Variants in CAMK2A observed in about 807,000 individuals in gnomAD.
CAMK2A encodes the protein calcium/calmodulin dependent protein kinase II alpha.
CAMK2A carries 7 observed loss-of-function variants against 79.2 expected under a neutral mutation model. The observed-to-expected ratio is 0.09, with a 90% CI of 0.05 to 0.17. The LOEUF (loss-of-function observed/expected upper bound fraction) is 0.17, where lower values mean the gene tolerates loss of function less well. Among genes scored for constraint, CAMK2A ranks in the 10% least tolerant of loss-of-function variants. The pLI, the probability that CAMK2A is intolerant of heterozygous loss-of-function variation, is 1.00. For missense variants in CAMK2A, 214 were observed against 646.4 expected, an observed-to-expected ratio of 0.33 and a Z score of 7.25; for synonymous variants, 242 against 251.7, an observed-to-expected ratio of 0.96 and a Z score of 0.36.
intron 2 of CAMK2A, among the ~76,000 whole-genome samples, chr5:150,271,162 A>T (rs1756731352): frequency 6.6e-6 from 1 of 152,374 alleles, no homozygotes; most frequent in African/African-American, 2.4e-5. Flanking sequence ...GGCAAGGCCA[A>T]TCCAGGCATC....
chr5:150,253,640 A>G, intron 6 of CAMK2A, 94 bp from the exon 7 acceptor site: 1 of 1,085,790 alleles, frequency 9.2e-7, no homozygotes, highest in Non-Finnish European at 1.4e-6. Flanking sequence ...CTGGGCTCAC[A>G]GGAAGAACAG....
At chr5:150,240,572 A>T (rs1002485827) in intron 13 of CAMK2A, among the ~76,000 whole-genome samples, 6 of 152,146 alleles carry the variant, frequency 3.9e-5, no homozygotes, top group African/African-American at 4.8e-5. Context: ...GGAGAGGGGG[A>T]CAAATGTAAA....
intron 2 of CAMK2A, among the ~76,000 whole-genome samples, chr5:150,267,902 C>G (rs1194785137): frequency 1.4e-5 from 2 of 146,550 alleles, no homozygotes; most frequent in Non-Finnish European, 3.0e-5. Context: ...GAGACAGAGT[C>G]TCGCTGTGTC....
At chr5:150,225,684 G>A (rs1053897510) in intron 17 of CAMK2A, among the ~76,000 whole-genome samples, 1 of 152,102 alleles carries the variant, frequency 6.6e-6, no homozygotes, top group African/African-American at 2.4e-5. Context: ...GGAGCTCCAG[G>A]GTGATAGGGA....
chr5:150,273,506 AC>A (rs1756834539), intron 1 of CAMK2A, among the ~76,000 whole-genome samples: 1 of 152,172 alleles, frequency 6.6e-6, no homozygotes. Context: ...GAGTAGGTAA[AC>A]GTGGATATGG....
intron 16 of CAMK2A, 90 bp from the exon 17 acceptor site, chr5:150,228,376 C>T: frequency 1.2e-6 from 1 of 846,936 alleles, no homozygotes; most frequent in Non-Finnish European, 1.9e-6. Flanking sequence ...AATGATTGCA[C>T]CTACCTCACA....
intron 16 of CAMK2A, among the ~76,000 whole-genome samples, chr5:150,229,164 C>T (rs2114022988): frequency 6.6e-6 from 1 of 152,352 alleles, no homozygotes; most frequent in Admixed American, 6.5e-5. Flanking sequence ...AGGCCCAGCA[C>T]CGTCTGAGCT....
At chr5:150,228,419 A>G (rs1013571163) in intron 16 of CAMK2A, 133 bp from the exon 17 acceptor site, 2 of 640,868 alleles carry the variant, frequency 3.1e-6, no homozygotes, top group Non-Finnish European at 2.7e-6. Context: ...GGAAGGGGCC[A>G]GGGGCTTGCA....
At chr5:150,241,886 C>T (rs1434913720) in intron 13 of CAMK2A, among the ~76,000 whole-genome samples, 1 of 152,154 alleles carries the variant, frequency 6.6e-6, no homozygotes, top group African/African-American at 2.4e-5. Context: ...CCAGGCCAGG[C>T]ACAGAATGGG....
chr5:150,243,919 A>G lies in CAMK2A; in HGVS notation c.984+1242T>C, dbSNP rs542438566. Among the ~76,000 whole-genome samples the G allele has an allele frequency of 6.7e-4, 102 of 152,184 alleles. 1 individual carries two copies. Among genetic ancestry groups the G allele is most frequent in the Non-Finnish European group, 1.4e-3 (92 of 67,998 alleles). On this transcript the variant is annotated intron_variant, in intron 13 of 18. Transcript: ENST00000671881. ...GGTATGAGAAGCCCAGAACCATTTA[A>G]CCTGGCATCCCCCTTCCACATCCCA...
intron 2 of CAMK2A, among the ~76,000 whole-genome samples, chr5:150,270,171 G>T (rs1756686646): frequency 6.6e-6 from 1 of 152,214 alleles, no homozygotes; most frequent in African/African-American, 2.4e-5. Flanking sequence ...ATTGTATTAG[G>T]TTGGTGTTAA....
chr5:150,221,949 C>T lies in CAMK2A; in HGVS notation c.*761G>A, dbSNP rs570050508. ...GGTCCAAGTAGAAGTGATACCTAAA[C>T]GTTGCTTTCTTTTGCCCCCCAAAAA... On this transcript the variant is annotated 3_prime_UTR_variant, in exon 19 of 19. Coordinates refer to ENST00000671881, the MANE Select transcript of CAMK2A (RefSeq NM_015981.4). 1.4e-5 allele frequency: 3 copies of T among 221,736 alleles called. No individual in the cohort carries two copies. The highest frequency in any genetic ancestry group is 2.7e-5 in the Non-Finnish European group (3 of 112,942). The allele number at this position is 221,736 out of a possible 1,614,324, so 13.7% of individuals were successfully genotyped here.
chr5:150,248,315 C>T (rs2150276916), intron 11 of CAMK2A, among the ~76,000 whole-genome samples: 1 of 129,182 alleles, frequency 7.7e-6, no homozygotes, highest in East Asian at 2.2e-4. Flanking sequence ...TTTTTATTTC[C>T]AAGTTTTTTA....
chr5:150,222,608 G>A lies in CAMK2A; in HGVS notation c.*102C>T. The A allele has an allele frequency of 3.9e-6, 5 of 1,294,880 alleles. No homozygotes were observed. The highest frequency in any genetic ancestry group is 4.5e-6 in the Non-Finnish European group (4 of 893,318). The allele number at this position is 1,294,880 out of a possible 1,614,324, so 80.2% of individuals were successfully genotyped here. ...AGTGACGGTGGTGGGGTGATGACATGGGAGAATTCCAGCAAAATCCACCTG... is the reference window on the plus strand; with the variant it reads ...AGTGACGGTGGTGGGGTGATGACATAGGAGAATTCCAGCAAAATCCACCTG... On this transcript the variant is annotated 3_prime_UTR_variant, in exon 19 of 19. Coordinates refer to ENST00000671881, the MANE Select transcript of CAMK2A (RefSeq NM_015981.4).
At chr5:150,275,945 G>A (rs537876917) in intron 1 of CAMK2A, among the ~76,000 whole-genome samples, 2 of 152,170 alleles carry the variant, frequency 1.3e-5, no homozygotes, top group East Asian at 3.9e-4. Flanking sequence ...GGGGAGAGGG[G>A]CTGAAAGTTC....
rs768232346 is a variant in CAMK2A, at chr5:150,222,699, A to G, written c.*11T>C. On this transcript the variant is annotated 3_prime_UTR_variant, in exon 19 of 19. Coordinates refer to ENST00000671881, the MANE Select transcript of CAMK2A (RefSeq NM_015981.4). ...TGCGGCACAGCAACGCAGCGACCCC[A>G]GCCTGGTCCCTCAGCTGTAAGACAC... 2.5e-5 allele frequency: 40 copies of G among 1,613,912 alleles called. No individual in the cohort carries two copies. The highest frequency in any genetic ancestry group is 3.2e-5 in the Non-Finnish European group (38 of 1,179,938).
rs1049806864 is a variant in CAMK2A, at chr5:150,235,653, C to T, written c.1066+3047G>A. ...GAAGGAAGCAGAGCCCCAGGCAGCT[C>T]GGAGGGCAAGAGGCCTGTGCAGTGA... On this transcript the variant is annotated intron_variant, in intron 15 of 18. Transcript: ENST00000671881. Among the ~76,000 whole-genome samples, 11 of 152,096 alleles carry T rather than the reference C, an allele frequency of 7.2e-5. 3 individuals carry two copies. The highest frequency in any genetic ancestry group is 7.2e-4 in the Admixed American group (11 of 15,278).
chr5:150,252,137 T>C, intron 7 of CAMK2A, 72 bp from the exon 8 acceptor site: 1 of 1,165,902 alleles, frequency 8.6e-7, no homozygotes, highest in Non-Finnish European at 1.3e-6. Flanking sequence ...AGCAAGATCC[T>C]GCTGGAAGAG....
intron 7 of CAMK2A, 124 bp downstream of exon 7, chr5:150,253,320 C>T (rs907466556): frequency 1.1e-5 from 8 of 739,680 alleles, no homozygotes; most frequent in Admixed American, 8.3e-5. Flanking sequence ...CTCTGCTCTA[C>T]CAGCCCCGGC....
Sources: allele counts gnomAD v4.1 joint callset (sites outside exome capture counted in the v4.1 genomes callset), GRCh38; gene constraint gnomAD v4.1.1; transcripts MANE v1.5; gene names NCBI Gene and HGNC (gene_info 2026-07-23, HGNC 2026-07-21).